Variants in FBXL4 observed in about 807,000 individuals in gnomAD.
FBXL4 encodes F-box/LRR-repeat protein 4.
FBXL4 carries 40 observed loss-of-function variants against 58.9 expected under a neutral mutation model. That is an observed-to-expected ratio of 0.68 (90% confidence interval 0.53 to 0.88). FBXL4 has a LOEUF of 0.88. Among genes scored for constraint, FBXL4 ranks in the 40% least tolerant of loss-of-function variants. FBXL4 has a pLI of 0.00. For missense variants in FBXL4, 676 were observed against 734.4 expected (o/e 0.92, Z 0.92); for synonymous variants, 263 against 265.5 (o/e 0.99, Z 0.09).
At chr6:98,884,161 G>T (rs1370981760) in intron 7 of FBXL4, among the ~76,000 whole-genome samples, 1 of 151,810 alleles carries the variant, frequency 6.6e-6, no homozygotes, top group African/African-American at 2.4e-5. Flanking sequence ...AACATGTCAG[G>T]TAGCATTGCT....
intron 7 of FBXL4, among the ~76,000 whole-genome samples, chr6:98,885,358 CTA>C (rs1771001028): frequency 1.3e-5 from 2 of 152,254 alleles, no homozygotes; most frequent in South Asian, 4.1e-4. Context: ...CCTCGGCCTC[CTA>C]AAGTGCTGAA....
At position 98,875,703 on chromosome 6, in the gene FBXL4, TA is replaced by T; in HGVS notation, c.1413del (p.Ser472AlafsTer2). ...CVMIEDYDVI[A>X]SMIGAKCKKL... ...TTTTTACACTTGGCTCCTATCATGC[TA>T]GCTATCACATCATAGTCTTCAATCT... On this transcript the variant is annotated frameshift_variant, in exon 9 of 10. Coordinates refer to ENST00000369244, the MANE Select transcript of FBXL4 (RefSeq NM_001278716.2). LOFTEE classifies it high-confidence loss of function. The T allele has an allele frequency of 6.2e-7, 1 of 1,613,726 alleles. No individual in the cohort carries two copies. Among genetic ancestry groups the T allele is most frequent in the East Asian group, 2.2e-5 (1 of 44,888 alleles).
intron 7 of FBXL4, among the ~76,000 whole-genome samples, chr6:98,896,317 G>A (rs995514230): frequency 1.3e-5 from 2 of 152,204 alleles, no homozygotes; most frequent in African/African-American, 4.8e-5. Context: ...CTTTGCTTAA[G>A]TGACAATGGA....
At chr6:98,900,746 T>C (rs1582395731) in intron 6 of FBXL4, among the ~76,000 whole-genome samples, 2 of 152,334 alleles carry the variant, frequency 1.3e-5, no homozygotes, top group Non-Finnish European at 2.9e-5. Flanking sequence ...AATTTAAATA[T>C]TGTAAATAAC....
chr6:98,944,892 T>A (rs1773563543), intron 1 of FBXL4, among the ~76,000 whole-genome samples: 1 of 152,182 alleles, frequency 6.6e-6, no homozygotes, highest in Non-Finnish European at 1.5e-5. Flanking sequence ...CAAATCAGCA[T>A]AAGATGATCC....
chr6:98,880,869 C>T (rs1481944639), intron 7 of FBXL4, among the ~76,000 whole-genome samples: 4 of 152,072 alleles, frequency 2.6e-5, no homozygotes, highest in Admixed American at 2.6e-4. Context: ...GTTTTGGATG[C>T]CCTAAAGATA....
intron 1 of FBXL4, among the ~76,000 whole-genome samples, chr6:98,935,120 T>A (rs1773158499): frequency 6.6e-6 from 1 of 152,228 alleles, no homozygotes; most frequent in Non-Finnish European, 1.5e-5. Flanking sequence ...CAATTTAAAC[T>A]AGGAATTGAG....
intron 9 of FBXL4, 195 bp downstream of exon 9, chr6:98,875,220 T>A (rs1256410328): frequency 1.6e-6 from 1 of 606,190 alleles, no homozygotes; most frequent in East Asian, 2.9e-5. Flanking sequence ...GTCCTCACTA[T>A]TTTATTAAAG....
intron 5 of FBXL4, among the ~76,000 whole-genome samples, chr6:98,912,356 C>A (rs1017963191): frequency 2.0e-5 from 3 of 152,064 alleles, no homozygotes; most frequent in African/African-American, 7.2e-5. Context: ...AGAAGAGCAA[C>A]TCCAAGACAC....
At chr6:98,946,222 A>T (rs1324132981) in intron 1 of FBXL4, among the ~76,000 whole-genome samples, 1 of 152,222 alleles carries the variant, frequency 6.6e-6, no homozygotes, top group Non-Finnish European at 1.5e-5. Context: ...ATACACGGGA[A>T]TTTAGGGCCT....
intron 2 of FBXL4, among the ~76,000 whole-genome samples, chr6:98,933,102 CAG>C (rs1773074376): frequency 2.6e-5 from 4 of 152,140 alleles, no homozygotes; most frequent in Admixed American, 2.6e-4. Context: ...GAAATCAAAA[CAG>C]GGGAATGAAA....
chr6:98,877,852 T>G (rs956156070), intron 8 of FBXL4, among the ~76,000 whole-genome samples: 1 of 152,202 alleles, frequency 6.6e-6, no homozygotes, highest in Non-Finnish European at 1.5e-5. Context: ...AAGTCATTTT[T>G]AGAAGTAAAA....
At chr6:98,946,216 A>G (rs560938159) in intron 1 of FBXL4, among the ~76,000 whole-genome samples, 4 of 152,186 alleles carry the variant, frequency 2.6e-5, no homozygotes, top group Admixed American at 6.5e-5. Flanking sequence ...CCAAGAATAC[A>G]CGGGAATTTA....
At chr6:98,898,232 C>A in intron 7 of FBXL4, 1 of 950,170 alleles carries the variant, frequency 1.1e-6, no homozygotes, top group South Asian at 4.9e-5. Context: ...AAGCCCTGAG[C>A]TGGGACCAGG....
At chr6:98,908,902 T>C (rs926728526) in intron 5 of FBXL4, among the ~76,000 whole-genome samples, 1 of 152,186 alleles carries the variant, frequency 6.6e-6, no homozygotes, top group African/African-American at 2.4e-5. Flanking sequence ...GCATATGTGT[T>C]GGAATGTCAT....
intron 9 of FBXL4, 83 bp downstream of exon 9, chr6:98,875,332 C>A (rs1184327633): frequency 1.4e-6 from 2 of 1,430,442 alleles, no homozygotes; most frequent in Admixed American, 3.7e-5. Flanking sequence ...CAAAAATTTT[C>A]TTTTTCCTAA....
chr6:98,919,020 C>T (rs1341780432), intron 4 of FBXL4, among the ~76,000 whole-genome samples: 2 of 151,564 alleles, frequency 1.3e-5, no homozygotes, highest in Admixed American at 6.6e-5. Context: ...TAAGTAAAAA[C>T]TGATAATGGC....
intron 2 of FBXL4, among the ~76,000 whole-genome samples, 184 bp from the exon 3 acceptor site, chr6:98,928,006 T>A (rs551143317): frequency 6.6e-6 from 1 of 152,356 alleles, no homozygotes; most frequent in East Asian, 1.9e-4. Flanking sequence ...GATTTAATAA[T>A]GAACGCTATC....
intron 5 of FBXL4, among the ~76,000 whole-genome samples, chr6:98,908,738 T>A (rs75020374): frequency 6.6e-6 from 1 of 152,072 alleles, no homozygotes; most frequent in Non-Finnish European, 1.5e-5. Flanking sequence ...TTTTTTTTTT[T>A]AACAACAGAA....
Sources: allele counts gnomAD v4.1 joint callset (sites outside exome capture counted in the v4.1 genomes callset), GRCh38; gene constraint gnomAD v4.1.1; transcripts MANE v1.5; gene names NCBI Gene and HGNC (gene_info 2026-07-23, HGNC 2026-07-21).